The following KAZN variants were observed in gnomAD, a reference collection of about 807,000 sequenced individuals.
KAZN encodes the protein kazrin, periplakin interacting protein, also known as kazrin.
Under a neutral mutation model 87.4 loss-of-function variants are expected in KAZN, and 40 were observed. The observed-to-expected ratio is 0.46, with a 90% CI of 0.36 to 0.60. The LOEUF is 0.60. Ranked by LOEUF, KAZN falls within the 20% of genes least tolerant of loss-of-function variation. The pLI is 0.00. For synonymous variants in KAZN, 466 were observed against 458.3 expected (o/e 1.02, Z -0.22); for missense variants, 898 against 1,073.9 (o/e 0.84, Z 2.29).
intron 2 of KAZN, among the ~76,000 whole-genome samples, chr1:14,293,993 C>G (rs1049904446): frequency 1.3e-5 from 2 of 152,156 alleles, no homozygotes; most frequent in Non-Finnish European, 2.9e-5. Flanking sequence ...TGATAGGGCT[C>G]TCAGTGCATT....
At chr1:13,948,270 C>G (rs988798490) in intron 1 of KAZN, among the ~76,000 whole-genome samples, 1 of 152,142 alleles carries the variant, frequency 6.6e-6, no homozygotes, top group Non-Finnish European at 1.5e-5. Flanking sequence ...TGTAATGATC[C>G]CCACGTGTCA....
chr1:14,427,783 G>A (rs1157243361), intron 2 of KAZN, among the ~76,000 whole-genome samples: 1 of 152,160 alleles, frequency 6.6e-6, no homozygotes, highest in Non-Finnish European at 1.5e-5. Context: ...AATTATACAA[G>A]TTCTTTAGTC....
At chr1:14,911,210 A>G (rs1373676959) in intron 1 of KAZN, among the ~76,000 whole-genome samples, 1 of 152,258 alleles carries the variant, frequency 6.6e-6, no homozygotes, top group Non-Finnish European at 1.5e-5. Flanking sequence ...GAGGTCAGGA[A>G]GCCTGAACCC....
At chr1:15,095,745 G>A (rs1269153052) in intron 10 of KAZN, among the ~76,000 whole-genome samples, 1 of 152,196 alleles carries the variant, frequency 6.6e-6, no homozygotes, top group African/African-American at 2.4e-5. Context: ...ACCTGGTGGT[G>A]TGTGCTGTAA....
chr1:14,962,126 T>G (rs977116907), intron 2 of KAZN, among the ~76,000 whole-genome samples: 1 of 152,216 alleles, frequency 6.6e-6, no homozygotes. Context: ...TGAGAGCCAA[T>G]TCCCTGACAA....
chr1:14,146,536 C>CAAAAAAAAAAAAAAA (rs55928646), intron 1 of KAZN, among the ~76,000 whole-genome samples: 14 of 63,472 alleles, frequency 2.2e-4, no homozygotes, highest in Non-Finnish European at 3.4e-4. Context: ...AACTCCATCT[C>CAAAAAAAAAAAAAAA]AAAAAAAAAA....
At chr1:15,103,017 C>T (rs112685126) in intron 11 of KAZN, among the ~76,000 whole-genome samples, 3,034 of 152,288 alleles carry the variant, frequency 0.02, 108 homozygotes, top group African/African-American at 0.069. Context: ...TCCCAGCACT[C>T]TGGGAGGCCA....
rs113022959 is a variant in KAZN, at chr1:14,055,948, C to A, written c.92-124487C>A. On this transcript the variant is annotated intron_variant, in intron 1 of 16. Coordinates refer to the KAZN transcript ENST00000636203. ...GGGTCTTAATCGTTCCCTTCACTGT[C>A]CAGTCTTTCTGCCCCATCAAGCTAG... 7.2e-3 allele frequency among the ~76,000 whole-genome samples: 1,102 copies of A among 152,322 alleles called. 11 individuals are homozygous for A. Among genetic ancestry groups the A allele is most frequent in the African/African-American group, 0.025 (1,053 of 41,570 alleles).
intron 2 of KAZN, among the ~76,000 whole-genome samples, chr1:14,338,348 G>T (rs540696599): frequency 6.6e-6 from 1 of 151,912 alleles, no homozygotes; most frequent in Non-Finnish European, 1.5e-5. Context: ...AGCCAAGCAC[G>T]GCAGTGTGCA....
intron 2 of KAZN, among the ~76,000 whole-genome samples, chr1:14,360,027 G>A (rs1338340992): frequency 6.6e-6 from 1 of 152,194 alleles, no homozygotes; most frequent in East Asian, 1.9e-4. Flanking sequence ...ATTCTGAAGA[G>A]TGGAGCTTTC....
intron 1 of KAZN, among the ~76,000 whole-genome samples, chr1:14,885,336 G>A (rs1177490832): frequency 6.6e-6 from 1 of 151,990 alleles, no homozygotes; most frequent in Non-Finnish European, 1.5e-5. Context: ...GAACATTGCA[G>A]CTGCCAAGCC....
chr1:14,228,298 G>A (rs569013041), intron 2 of KAZN, among the ~76,000 whole-genome samples: 5 of 152,152 alleles, frequency 3.3e-5, no homozygotes, highest in Admixed American at 6.5e-5. Context: ...CAACCTTACA[G>A]CAAATATTAT....
At chr1:14,299,506 A>T (rs551961973) in intron 2 of KAZN, among the ~76,000 whole-genome samples, 1 of 152,170 alleles carries the variant, frequency 6.6e-6, no homozygotes, top group East Asian at 1.9e-4. Flanking sequence ...GACTGTCTCA[A>T]AAAAAGAAAA....
intron 2 of KAZN, among the ~76,000 whole-genome samples, chr1:14,296,051 T>C (rs576890946): frequency 2.8e-4 from 43 of 152,142 alleles, no homozygotes; most frequent in Non-Finnish European, 5.3e-4. Flanking sequence ...ACCTACCTCA[T>C]AGGGTTGCCA....
chr1:14,288,093 G>C (rs1653395776), intron 2 of KAZN, among the ~76,000 whole-genome samples: 1 of 152,148 alleles, frequency 6.6e-6, no homozygotes, highest in Admixed American at 6.5e-5. Context: ...GTGTTTTATT[G>C]AGGATTTTCA....
intron 1 of KAZN, among the ~76,000 whole-genome samples, chr1:14,069,025 C>T (rs780648290): frequency 1.8e-4 from 28 of 152,164 alleles, no homozygotes; most frequent in Non-Finnish European, 3.5e-4. Flanking sequence ...TCTCGAACTC[C>T]TGACCTCATG....
At chr1:14,375,820 G>A (rs968465090) in intron 2 of KAZN, among the ~76,000 whole-genome samples, 37 of 152,104 alleles carry the variant, frequency 2.4e-4, no homozygotes, top group South Asian at 8.3e-4. Flanking sequence ...CCCGGGAGGC[G>A]GAGCTTGCAG....
intron 2 of KAZN, among the ~76,000 whole-genome samples, chr1:15,023,570 C>A (rs1048577598): frequency 4.6e-5 from 7 of 152,054 alleles, no homozygotes; most frequent in South Asian, 2.1e-4. Context: ...GACCTGGAGA[C>A]AGATCTTGGG....
At chr1:14,691,020 A>G (rs1641258484) in intron 1 of KAZN, among the ~76,000 whole-genome samples, 1 of 152,228 alleles carries the variant, frequency 6.6e-6, no homozygotes, top group African/African-American at 2.4e-5. Context: ...TCAGGTGTAT[A>G]GAGATAATTA....
Sources: allele counts gnomAD v4.1 joint callset (sites outside exome capture counted in the v4.1 genomes callset), GRCh38; gene constraint gnomAD v4.1.1; transcripts MANE v1.5; gene names NCBI Gene and HGNC (gene_info 2026-07-23, HGNC 2026-07-21).